Variants in ITGA10 observed in about 807,000 individuals in gnomAD.
The protein encoded by ITGA10 is integrin alpha-10.
In ITGA10, 105 loss-of-function variants were observed where a neutral mutation model predicts 145.2. The observed-to-expected ratio is 0.72, with a 90% CI of 0.62 to 0.85. The LOEUF (loss-of-function observed/expected upper bound fraction) is 0.85. Ranked by LOEUF, ITGA10 falls within the 40% of genes least tolerant of loss-of-function variation. ITGA10 has a pLI of 0.00. For synonymous variants in ITGA10, 506 were observed against 557.8 expected (o/e 0.91, Z 1.31); for missense variants, 1,317 against 1,444.5 (o/e 0.91, Z 1.43).
intron 1 of ITGA10, among the ~76,000 whole-genome samples, chr1:145,909,651 AATATATAAT>A (rs1267508724): frequency 2.1e-5 from 3 of 140,476 alleles, no homozygotes; most frequent in African/African-American, 7.8e-5. Flanking sequence ...TATTATATAT[AATATATAAT>A]TGTTATATAT....
intron 27 of ITGA10, among the ~76,000 whole-genome samples, chr1:145,894,403 C>G (rs1040739142): frequency 6.6e-6 from 1 of 152,106 alleles, no homozygotes; most frequent in South Asian, 2.1e-4. Context: ...AGCCACCGCG[C>G]CCGGCCATGT....
In ITGA10 at chr1:145,897,995, T is replaced by C. The variant is rs1655681510; in HGVS notation, c.2347-95A>G. The C allele has an allele frequency of 9.2e-6, 12 of 1,303,200 alleles. No homozygotes were observed. In the Admixed American group the frequency reaches 2.1e-4, roughly 22 times the overall value. The allele number at this position is 1,303,200 out of a possible 1,614,324, so 80.7% of individuals were successfully genotyped here. A position where few individuals can be genotyped will look rare whatever the true frequency, so the allele number is the denominator to read the frequency against. ...TGAAAAGACAAAAGTGGGTATATTT[T>C]GATTAGAGGAGCCCAGGTCAGATTT... On this transcript the variant is annotated intron_variant, in intron 18 of 29. Coordinates refer to ENST00000369304, the MANE Select transcript of ITGA10 (RefSeq NM_003637.5).
At chr1:145,909,598 G>T (rs1657616814) in intron 1 of ITGA10, among the ~76,000 whole-genome samples, 1 of 130,018 alleles carries the variant, frequency 7.7e-6, no homozygotes, top group Non-Finnish European at 1.6e-5. Flanking sequence ...CATATTATAT[G>T]TATATTATAT....
In ITGA10 at chr1:145,907,138, G is replaced by A. The variant is rs112564284; in HGVS notation, c.177C>T (p.Gly59=). 9.0e-5 allele frequency: 141 copies of A among 1,560,158 alleles called. No individual in the cohort carries two copies. The African/African-American group carries it at 1.6e-3, about 18-fold the overall frequency. Residue 59 remains glycine, a synonymous_variant, in exon 3 of 30, where the codon GGC becomes GGT. Transcript: ENST00000369304. ...VGGGQRWMLV[G]APWDGPSGDR... is the part of the protein sequence containing the mutation. ...CGCCTGAAGGCCCATCCCAGGGGGC[G>A]CCCACCAGCATCCTGGGAAGAGGAT...
In ITGA10 at chr1:145,899,093, C is replaced by A; in HGVS notation, c.2090-15G>T. On this transcript the variant is annotated splice_polypyrimidine_tract_variant and intron_variant, in intron 16 of 29. Transcript: ENST00000369304. ...GAACCTCATGTCTGAATGAAGGAGG[C>A]AAGAGTGAGGGTGGAAAGGGGTCTA... 1 of 1,614,182 alleles carries A rather than the reference C, an allele frequency of 6.2e-7. No individual in the cohort carries two copies. The highest frequency in any genetic ancestry group is 8.5e-7 in the Non-Finnish European group (1 of 1,180,034).
At position 145,900,940 on chromosome 1, in the gene ITGA10, A is replaced by G; in HGVS notation, c.1641T>C (p.Ala547=). Residue 547 remains alanine, a synonymous_variant, in exon 14 of 30, where the codon GCT becomes GCC. Coordinates refer to ENST00000369304, the MANE Select transcript of ITGA10 (RefSeq NM_003637.5). Reference sequence around the variant, plus strand: ...GAGCTCCCATGGCAAAGCCAAACCGAGCATCCTGGGGGGGTTCTGGCTGAA... The same window carrying G: ...GAGCTCCCATGGCAAAGCCAAACCGGGCATCCTGGGGGGGTTCTGGCTGAA... ...GTLQPEPPQD[A]RFGFAMGALP... The G allele has an allele frequency of 6.2e-7, 1 of 1,614,078 alleles. No individual in the cohort carries two copies. The highest frequency in any genetic ancestry group is 8.5e-7 in the Non-Finnish European group (1 of 1,180,016).
chr1:145,900,908 T>C lies in ITGA10; in HGVS notation c.1673A>G (p.Asp558Gly). 3 of 1,614,066 alleles carry C rather than the reference T, an allele frequency of 1.9e-6. No homozygotes were observed. Among genetic ancestry groups the C allele is most frequent in the Non-Finnish European group, 2.5e-6 (3 of 1,180,008 alleles). The part of the protein sequence containing the change: ...RFGFAMGALP[D>G]LNQDGFADVA... ...ATCAGCAAAACCATCTTGGTTCAGA[T>C]CAGGAAGAGCTCCCATGGCAAAGCC... Residue 558 changes from aspartate (D) to glycine (G), a missense_variant, in exon 14 of 30, where the codon GAT (aspartate) becomes GGT (glycine). Asp to Gly is a moderately conservative substitution (Grantham distance 94, BLOSUM62 -1). Transcript: ENST00000369304.
chr1:145,893,570 T>C lies in ITGA10; in HGVS notation c.3294A>G (p.Leu1098=). ...FELGTEEGSV[L]QLTEASRWSE... is the part of the protein sequence containing the mutation. Reference sequence around the variant, plus strand: ...TCCAACGGGAGGCTTCAGTCAGCTGTAGGACACTGCCCTCTTCGGTTCCCA... The same window carrying C: ...TCCAACGGGAGGCTTCAGTCAGCTGCAGGACACTGCCCTCTTCGGTTCCCA... Residue 1098 remains leucine (L), a synonymous_variant, in exon 28 of 30, where the codon CTA becomes CTG. Coordinates refer to ENST00000369304, the MANE Select transcript of ITGA10 (RefSeq NM_003637.5). 1 of 1,612,886 alleles carries C rather than the reference T, an allele frequency of 6.2e-7. No individual in the cohort carries two copies. The highest frequency in any genetic ancestry group is 8.5e-7 in the Non-Finnish European group (1 of 1,179,526).
chr1:145,902,223 A>T (rs1262507854), intron 10 of ITGA10, 23 bp downstream of exon 10: 4 of 1,612,026 alleles, frequency 2.5e-6, no homozygotes, highest in Non-Finnish European at 3.4e-6. Flanking sequence ...GGGAGAAGTA[A>T]TGAAGGGGTC....
intron 22 of ITGA10, 41 bp from the exon 23 acceptor site, chr1:145,896,899 C>A: frequency 6.4e-7 from 1 of 1,560,158 alleles, no homozygotes; most frequent in Admixed American, 1.7e-5. Context: ...TCAACCCCTC[C>A]TCAGAAGACA....
chr1:145,901,695 GA>G lies in ITGA10; in HGVS notation c.1295-32del. On this transcript the variant is annotated intron_variant, in intron 11 of 29. Coordinates refer to ENST00000369304, the MANE Select transcript of ITGA10 (RefSeq NM_003637.5). The surrounding 1 kb of genome is among the most constrained non-coding windows in gnomAD (Gnocchi z 4.3). ...AGTGGGCAAAGTAACAGAGGTAAAG[GA>G]AAAGAAGATGGGGTCCAGAGTAGGG... The G allele has an allele frequency of 6.5e-7, 1 of 1,539,920 alleles. No homozygotes were observed. Among genetic ancestry groups the G allele is most frequent in the Non-Finnish European group, 8.7e-7 (1 of 1,145,146 alleles).
rs1233178855 is a variant in ITGA10, at chr1:145,897,850, C to G, written c.2397G>C (p.Leu799=). The G allele has an allele frequency of 6.2e-7, 1 of 1,614,108 alleles. No homozygotes were observed. The highest frequency in any genetic ancestry group is 1.7e-5 in the Admixed American group (1 of 60,014). ...CGPDNECVTD[L]VLQVNMDIRG... Reference sequence around the variant, plus strand: ...TGATGTCCATATTCACTTGAAGCACCAGGTCTGTGACACATTCATTGTCAG... The same window carrying G: ...TGATGTCCATATTCACTTGAAGCACGAGGTCTGTGACACATTCATTGTCAG... The change falls in exon 19 of 30, where the codon CTG becomes CTC. Residue 799 remains leucine (L), a synonymous_variant. Coordinates refer to ENST00000369304, the MANE Select transcript of ITGA10 (RefSeq NM_003637.5).
rs1222494321 is a variant in ITGA10 at position 145,899,197 on chromosome 1, A to G, written c.2067T>C (p.Pro689=). The part of the protein sequence containing the change: ...ALCFQVTSRT[P]GRWDHQFYMR... ...CACAGAATTGGTGATCCCAGCGACC[A>G]GGAGTACGGGAGGTCACTTGGAAGC... Residue 689 remains proline, a synonymous_variant, in exon 16 of 30, where the codon CCT becomes CCC. Coordinates refer to ENST00000369304, the MANE Select transcript of ITGA10 (RefSeq NM_003637.5). The G allele has an allele frequency of 6.2e-7, 1 of 1,614,258 alleles. No homozygotes were observed. Among genetic ancestry groups the G allele is most frequent in the East Asian group, 2.2e-5 (1 of 44,886 alleles).
At chr1:145,902,174 T>C in intron 10 of ITGA10, 72 bp downstream of exon 10, 2 of 1,574,156 alleles carry the variant, frequency 1.3e-6, no homozygotes. Flanking sequence ...AGGAGGAATC[T>C]GGAGGGCCCT....
At chr1:145,896,635 TG>T (rs1655446107) in intron 23 of ITGA10, 133 bp downstream of exon 23, 2 of 769,514 alleles carry the variant, frequency 2.6e-6, no homozygotes, top group Admixed American at 4.1e-5. Flanking sequence ...TGAATAGGAT[TG>T]AGGGCAAAAA....
intron 5 of ITGA10, chr1:145,906,095 T>A: frequency 3.3e-6 from 1 of 306,756 alleles, no homozygotes; most frequent in Non-Finnish European, 6.2e-6. Context: ...CTAATTTTTG[T>A]ATTTTTTTTT....
chr1:145,901,814 C>T lies in ITGA10; in HGVS notation c.1294+63G>A, dbSNP rs1656362235. On this transcript the variant is annotated intron_variant, in intron 11 of 29. Coordinates refer to ENST00000369304, the MANE Select transcript of ITGA10 (RefSeq NM_003637.5). The surrounding 1 kb of genome is among the most constrained non-coding windows in gnomAD (Gnocchi z 4.3). ...GTTAAGAGGGAGTATTTCATACCCG[C>T]CCCCACTAGGGATGTATTTCCTCCC... 3 of 1,601,776 alleles carry T rather than the reference C, an allele frequency of 1.9e-6. No individual in the cohort carries two copies. The highest frequency in any genetic ancestry group is 2.6e-6 in the Non-Finnish European group (3 of 1,171,980).
At position 145,904,089 on chromosome 1, in the gene ITGA10, G is replaced by C. The variant is rs782210398; in HGVS notation, c.721C>G (p.Arg241Gly). The C allele has an allele frequency of 1.2e-6, 2 of 1,613,918 alleles. No homozygotes were observed. Among genetic ancestry groups the C allele is most frequent in the Non-Finnish European group, 1.7e-6 (2 of 1,179,982 alleles). Residue 241 changes from arginine to glycine, a missense_variant, in exon 7 of 30, where the codon CGA becomes GGA. Transcript: ENST00000369304. ...AAKNLSRREG[R>G]ETKTAQAIMV... Reference sequence around the variant, plus strand: ...ATTGCTTGGGCAGTCTTTGTTTCTCGTCCCTCCCGCCGACTGAGGTTCTTT... The same window carrying C: ...ATTGCTTGGGCAGTCTTTGTTTCTCCTCCCTCCCGCCGACTGAGGTTCTTT...
At position 145,898,873 on chromosome 1, in the gene ITGA10, T is replaced by C. The variant is rs1423700217; in HGVS notation, c.2232+63A>G. ...TTGCTGATTCAGCTAAAATTCCTCCTCTGACCCAGCTTTCTCCTCATTCTC... is the reference window on the plus strand; with the variant it reads ...TTGCTGATTCAGCTAAAATTCCTCCCCTGACCCAGCTTTCTCCTCATTCTC... On this transcript the variant is annotated intron_variant, in intron 17 of 29. Coordinates refer to ENST00000369304, the MANE Select transcript of ITGA10 (RefSeq NM_003637.5). 10 of 1,553,270 alleles carry C rather than the reference T, an allele frequency of 6.4e-6. No individual in the cohort carries two copies. The African/African-American group carries it at 1.1e-4, about 17-fold the overall frequency.
Sources: gnomAD v4.1 joint callset for allele counts (sites outside exome capture counted in the v4.1 genomes callset) on GRCh38, gnomAD v4.1.1 for gene constraint, Gnocchi (gnomAD v3.1) non-coding constraint, MANE v1.5 for transcripts, NCBI Gene and HGNC (gene_info 2026-07-23, HGNC 2026-07-21) for gene names.